The following KIF23 variants were observed in gnomAD, a reference collection of about 807,000 sequenced individuals.
The protein encoded by KIF23 is kinesin family member 23, also known as kinesin-like protein KIF23.
KIF23 carries 30 observed loss-of-function variants against 137.5 expected under a neutral mutation model. The ratio of observed to expected loss-of-function variants is 0.22; its 90% CI spans 0.16 to 0.30. The LOEUF is 0.30. Ranked by LOEUF, KIF23 falls within the 10% of genes least tolerant of loss-of-function variation. The pLI is 1.00. For missense variants in KIF23, 920 were observed against 1,194.3 expected, an observed-to-expected ratio of 0.77 and a Z score of 3.38; for synonymous variants, 367 against 391.1, an observed-to-expected ratio of 0.94 and a Z score of 0.73.
chr15:69,414,578 G>A (rs938353677), intron 1 of KIF23, 102 bp downstream of exon 1: 1 of 1,278,748 alleles, frequency 7.8e-7, no homozygotes, highest in Non-Finnish European at 1.0e-6. Context: ...TACGCGGGCA[G>A]CGCGGACAGC....
At chr15:69,440,143 C>G (rs2057579182) in intron 17 of KIF23, 66 bp downstream of exon 17, 1 of 1,557,724 alleles carries the variant, frequency 6.4e-7, no homozygotes, top group Non-Finnish European at 8.7e-7. Flanking sequence ...TAGTTAGGTT[C>G]GATATTTTGA....
intron 11 of KIF23, among the ~76,000 whole-genome samples, chr15:69,431,280 A>G (rs2057349756): frequency 6.6e-6 from 1 of 152,182 alleles, no homozygotes; most frequent in Middle Eastern, 3.2e-3. Context: ...GGAAGGAGAG[A>G]GATTTTGACT....
chr15:69,415,571 C>G lies in KIF23; in HGVS notation c.12-423C>G, dbSNP rs1450525492. Among the ~76,000 whole-genome samples, 4 of 152,118 alleles carry G rather than the reference C, an allele frequency of 2.6e-5. No homozygotes were observed. The East Asian group carries it at 7.7e-4, about 29-fold the overall frequency. On this transcript the variant is annotated intron_variant, in intron 1 of 23. Transcript: ENST00000679126. ...TTGAGCATTCAATGACTGGTTGTTC[C>G]TTGAAAGTACAGGCGTAACCCTTGA...
At position 69,440,496 on chromosome 15, in the gene KIF23, T is replaced by C. The variant is rs1332752210; in HGVS notation, c.2109+9T>C. On this transcript the variant is annotated intron_variant, in intron 18 of 23. Coordinates refer to ENST00000679126, the MANE Select transcript of KIF23 (RefSeq NM_001367805.3). ...CTCCATCACCTGTGCCTGTAAGTTA[T>C]TTGTAATTGTGTAGTAACTTTGTAC... 6.3e-7 allele frequency: 1 copy of C among 1,597,816 alleles called. No individual in the cohort carries two copies. Among genetic ancestry groups the C allele is most frequent in the Non-Finnish European group, 8.5e-7 (1 of 1,173,270 alleles).
At chr15:69,422,299 A>ATTT in intron 5 of KIF23, 27 bp from the exon 6 acceptor site, 19 of 1,182,616 alleles carry the variant, frequency 1.6e-5, no homozygotes, top group Admixed American at 4.8e-5. Context: ...ACGTGGTGTG[A>ATTT]TTTTTTTTTT....
intron 5 of KIF23, 96 bp downstream of exon 5, chr15:69,422,224 T>C: frequency 6.8e-7 from 1 of 1,467,692 alleles, no homozygotes; most frequent in Admixed American, 2.0e-5. Context: ...TGGATTCATT[T>C]TGAAACCTTA....
At chr15:69,414,498 A>T (rs1197339023) in intron 1 of KIF23, 22 bp downstream of exon 1, 1 of 1,564,816 alleles carries the variant, frequency 6.4e-7, no homozygotes, top group Non-Finnish European at 8.7e-7. Flanking sequence ...GCCGCCGAGC[A>T]GGGAGAGAGG....
intron 19 of KIF23, among the ~76,000 whole-genome samples, chr15:69,442,750 T>A (rs1455736765): frequency 1.3e-5 from 2 of 152,330 alleles, no homozygotes; most frequent in East Asian, 3.9e-4. Context: ...TAATGAGATA[T>A]CTAATTTGGC....
chr15:69,433,003 C>A (rs1429900950), intron 11 of KIF23, among the ~76,000 whole-genome samples: 2 of 152,148 alleles, frequency 1.3e-5, no homozygotes, highest in East Asian at 1.9e-4. Context: ...TATGCAGACA[C>A]CCCATCATGT....
At chr15:69,438,120 CATT>C (rs2057526426) in intron 15 of KIF23, 125 bp from the exon 16 acceptor site, 6 of 770,764 alleles carry the variant, frequency 7.8e-6, no homozygotes, top group Non-Finnish European at 1.2e-5. Context: ...CTTGTTTTCT[CATT>C]ATAGACTGAT....
chr15:69,436,403 G>A (rs2057481822), intron 14 of KIF23, 142 bp downstream of exon 14: 1 of 1,267,734 alleles, frequency 7.9e-7, no homozygotes, highest in African/African-American at 1.5e-5. Context: ...AAATTTAAAT[G>A]AGCTTATTTT....
At position 69,444,810 on chromosome 15, in the gene KIF23, G is replaced by A; in HGVS notation, c.2442G>A (p.Gln814=). Reference sequence around the variant, plus strand: ...CTCAGTTACTCTTTCAACCTGATCAGAACGCACCACCAATTCGTCTCCGAC... The same window carrying A: ...CTCAGTTACTCTTTCAACCTGATCAAAACGCACCACCAATTCGTCTCCGAC... ...HCGRLLFQPD[Q]NAPPIRLRHR... is the part of the protein sequence containing the mutation. The change falls in exon 20 of 24, where the codon CAG becomes CAA. Residue 814 remains glutamine (Q), a synonymous_variant. Coordinates refer to ENST00000679126, the MANE Select transcript of KIF23 (RefSeq NM_001367805.3). This position sits in a 1 kb window ranked among gnomAD's most constrained non-coding sequence, Gnocchi z 4.2. The A allele has an allele frequency of 1.2e-6, 2 of 1,614,100 alleles. No homozygotes were observed. Among genetic ancestry groups the A allele is most frequent in the Non-Finnish European group, 8.5e-7 (1 of 1,180,028 alleles).
At chr15:69,435,098 G>C (rs929903869) in intron 11 of KIF23, 1 of 486,928 alleles carries the variant, frequency 2.1e-6, no homozygotes, top group Non-Finnish European at 3.7e-6. Context: ...GCGGGACGGT[G>C]GCCTGGGGGT....
chr15:69,443,340 T>G (rs1395426642), intron 19 of KIF23, among the ~76,000 whole-genome samples: 5 of 127,126 alleles, frequency 3.9e-5, no homozygotes, highest in African/African-American at 1.2e-4. Context: ...TTTTTTTTTT[T>G]TTTTTTTTTT....
At chr15:69,427,087 G>A (rs1042691921) in intron 10 of KIF23, among the ~76,000 whole-genome samples, 1 of 151,986 alleles carries the variant, frequency 6.6e-6, no homozygotes, top group African/African-American at 2.4e-5. Context: ...TTTGAGACCA[G>A]CCTGGACAAC....
chr15:69,434,154 C>G (rs1038427501), intron 11 of KIF23, among the ~76,000 whole-genome samples: 1 of 152,206 alleles, frequency 6.6e-6, no homozygotes, highest in Non-Finnish European at 1.5e-5. Flanking sequence ...AAGTCTTGAA[C>G]GACTGATCAT....
At chr15:69,434,880 C>A in intron 11 of KIF23, 1 of 730,212 alleles carries the variant, frequency 1.4e-6, no homozygotes. Context: ...AGCTGCGCGG[C>A]CATGCTTGCC....
chr15:69,436,781 G>T, intron 15 of KIF23, 59 bp downstream of exon 15: 8 of 1,126,550 alleles, frequency 7.1e-6, no homozygotes, highest in South Asian at 2.1e-5. Context: ...TTGAGACATA[G>T]TTTCACTCTG....
At chr15:69,434,398 G>T in intron 11 of KIF23, 1 of 329,872 alleles carries the variant, frequency 3.0e-6, no homozygotes. Flanking sequence ...AAAGGATTGC[G>T]ACATTTAATA....
Sources: allele counts gnomAD v4.1 joint callset (sites outside exome capture counted in the v4.1 genomes callset), GRCh38; gene constraint gnomAD v4.1.1; non-coding constraint Gnocchi (gnomAD v3.1); transcripts MANE v1.5; gene names NCBI Gene and HGNC (gene_info 2026-07-23, HGNC 2026-07-21).